The following ATP4A variants were observed in gnomAD, a reference collection of about 807,000 sequenced individuals.
ATP4A encodes the protein potassium-transporting ATPase alpha chain 1.
ATP4A carries 73 observed loss-of-function variants against 112.1 expected under a neutral mutation model. The observed-to-expected ratio is 0.65, with a 90% CI of 0.54 to 0.79. The LOEUF (loss-of-function observed/expected upper bound fraction) is 0.79. Ranked by LOEUF, ATP4A falls within the 30% of genes least tolerant of loss-of-function variation. ATP4A has a pLI of 0.00. For synonymous variants in ATP4A, 588 were observed against 588.9 expected (o/e 1.00, Z 0.02); for missense variants, 1,081 against 1,425.9 (o/e 0.76, Z 3.90).
At position 35,557,648 on chromosome 19, in the gene ATP4A, G is replaced by A. The variant is rs1403996877; in HGVS notation, c.1693+7C>T. The stretch of plus-strand genomic sequence containing the variant: ...CTGGAGTCTCCTCCCCTGCCCAGGG[G>A]TCTCACCGAGCACGCGTTCGCCCAG... On this transcript the variant is annotated splice_region_variant and intron_variant, in intron 11 of 21. Coordinates refer to ENST00000262623, the MANE Select transcript of ATP4A (RefSeq NM_000704.3). The surrounding 1 kb of genome is among the most constrained non-coding windows in gnomAD (Gnocchi z 4.4). 1.9e-6 allele frequency: 3 copies of A among 1,602,664 alleles called. No individual in the cohort carries two copies. The highest frequency in any genetic ancestry group is 2.2e-4 in the Middle Eastern group (1 of 4,618).
At position 35,560,663 on chromosome 19, in the gene ATP4A, G is replaced by GGGGGGGCC; in HGVS notation, c.535-49_535-48insGGCCCCCC. 1 of 883,962 alleles carries GGGGGGGCC rather than the reference G, an allele frequency of 1.1e-6. No homozygotes were observed. The highest frequency in any genetic ancestry group is 1.8e-6 in the Non-Finnish European group (1 of 561,724). 54.8% of individuals were successfully genotyped at this position (883,962 alleles called of 1,614,324 possible). The stretch of plus-strand genomic sequence containing the variant: ...TTGAGGTGGACGGGGGTGGGGGTGG[G>GGGGGGGCC]AGCTGCTGCATGTGGGGAGGTAAAG... On this transcript the variant is annotated intron_variant, in intron 5 of 21. Coordinates refer to ENST00000262623, the MANE Select transcript of ATP4A (RefSeq NM_000704.3). The surrounding 1 kb of genome is among the most constrained non-coding windows in gnomAD (Gnocchi z 5.1).
In ATP4A at chr19:35,560,045, C is replaced by T. The variant is rs554815273; in HGVS notation, c.816G>A (p.Thr272=). 22 of 1,614,050 alleles carry T rather than the reference C, an allele frequency of 1.4e-5. No individual in the cohort carries two copies. Among genetic ancestry groups the T allele is most frequent in the East Asian group, 1.3e-4 (6 of 44,884 alleles). ...EGTVQGLVVN[T]GDRTIIGRIA... is the part of the protein sequence containing the mutation. Reference sequence around the variant, plus strand: ...TGCGCCCAATGATGGTGCGGTCGCCCGTGTTCACCACCAGGCCCTGCACGG... The same window carrying T: ...TGCGCCCAATGATGGTGCGGTCGCCTGTGTTCACCACCAGGCCCTGCACGG... The change falls in exon 7 of 22, where the codon ACG becomes ACA. Residue 272 remains threonine, a synonymous_variant. Transcript: ENST00000262623. This position sits in a 1 kb window ranked among gnomAD's most constrained non-coding sequence, Gnocchi z 5.1.
rs766625990 is a variant in ATP4A, at chr19:35,555,594, G to A, written c.2007-4C>T. 26 of 1,575,450 alleles carry A rather than the reference G, an allele frequency of 1.7e-5. No individual in the cohort carries two copies. Among genetic ancestry groups the A allele is most frequent in the Non-Finnish European group, 2.2e-5 (25 of 1,154,446 alleles). On this transcript the variant is annotated splice_polypyrimidine_tract_variant and splice_region_variant and intron_variant, in intron 13 of 21. Transcript: ENST00000262623. The surrounding 1 kb of genome is among the most constrained non-coding windows in gnomAD (Gnocchi z 6.6). ...GATCACACAGGCACGGGCATCCCTG[G>A]GGAGGAGATGGGAGGACCTCGCTGG...
At position 35,555,895 on chromosome 19, in the gene ATP4A, C is replaced by G; in HGVS notation, c.1870-83G>C. 6.6e-7 allele frequency: 1 copy of G among 1,515,238 alleles called. No homozygotes were observed. Among genetic ancestry groups the G allele is most frequent in the Non-Finnish European group, 8.9e-7 (1 of 1,127,710 alleles). 93.9% of individuals were successfully genotyped at this position (1,515,238 alleles called of 1,614,324 possible). A position where few individuals can be genotyped will look rare whatever the true frequency, so the allele number is the denominator to read the frequency against. On this transcript the variant is annotated intron_variant, in intron 12 of 21. Coordinates refer to ENST00000262623, the MANE Select transcript of ATP4A (RefSeq NM_000704.3). This position sits in a 1 kb window ranked among gnomAD's most constrained non-coding sequence, Gnocchi z 6.6. ...TCCCTGGGAGACATCTGCTGATACA[C>G]GTGTTCATTTACTTGACCAAGCGTG... is the stretch of plus-strand genomic sequence containing the variant.
rs766955149 is a variant in ATP4A at position 35,550,637 on chromosome 19, C to T, written c.3086G>A (p.Trp1029Ter). The T allele has an allele frequency of 1.9e-6, 3 of 1,613,814 alleles. No homozygotes were observed. Among genetic ancestry groups the T allele is most frequent in the Non-Finnish European group, 2.5e-6 (3 of 1,179,826 alleles). The change falls in exon 22 of 22, where the codon TGG (tryptophan) becomes TAG (stop). Residue 1029 changes from tryptophan to a stop codon, truncating the protein, a stop_gained. Transcript: ENST00000262623. LOFTEE classifies it high-confidence loss of function. This position sits in a 1 kb window ranked among gnomAD's most constrained non-coding sequence, Gnocchi z 4.1. Reference sequence around the variant, plus strand: ...CCTCTAATAGTAGAGTTCCTGGTCCCACCAGCCTGGGAGAGAGAGGGAGAA... The same window carrying T: ...CCTCTAATAGTAGAGTTCCTGGTCCTACCAGCCTGGGAGAGAGAGGGAGAA... ...LGVRCCPGSW[W>*]DQELYY
In ATP4A at chr19:35,560,430, G is replaced by A. The variant is rs776127328; in HGVS notation, c.720C>T (p.Pro240=). The A allele has an allele frequency of 2.4e-5, 39 of 1,613,842 alleles. No homozygotes were observed. The highest frequency in any genetic ancestry group is 2.2e-4 in the Admixed American group (13 of 60,000). Residue 240 remains proline (P), a synonymous_variant, in exon 6 of 22, where the codon CCC becomes CCT. Coordinates refer to ENST00000262623, the MANE Select transcript of ATP4A (RefSeq NM_000704.3). This position sits in a 1 kb window ranked among gnomAD's most constrained non-coding sequence, Gnocchi z 5.1. The stretch of plus-strand genomic sequence containing the variant: ...CCAGAGGGCTCTCGTGCGTGCACTC[G>A]GGTGAGCGGGTCTGTGGCTCAGACT... ...TGESEPQTRS[P]ECTHESPLET... is the part of the protein sequence containing the mutation.
At position 35,557,968 on chromosome 19, in the gene ATP4A, C is replaced by A. The variant is rs111778482; in HGVS notation, c.1501-121G>T. ...GAGAGCTCGGTGCGGGCTCTGAGAG[C>A]TGCGGGGAAGGGTGAAGGTGGAAGA... On this transcript the variant is annotated intron_variant, in intron 10 of 21. Coordinates refer to ENST00000262623, the MANE Select transcript of ATP4A (RefSeq NM_000704.3). This position sits in a 1 kb window ranked among gnomAD's most constrained non-coding sequence, Gnocchi z 4.4. 9.1e-4 allele frequency: 762 copies of A among 834,010 alleles called. 1 individual carries two copies. The highest frequency in any genetic ancestry group is 1.2e-3 in the Non-Finnish European group (667 of 558,360). 51.7% of individuals were successfully genotyped at this position (834,010 alleles called of 1,614,324 possible). A position where few individuals can be genotyped will look rare whatever the true frequency, so the allele number is the denominator to read the frequency against.
In ATP4A at chr19:35,560,648, CGGGGGT is replaced by C; in HGVS notation, c.535-39_535-34del. The C allele has an allele frequency of 1.4e-4, 68 of 472,020 alleles. No homozygotes were observed. Among genetic ancestry groups the C allele is most frequent in the Non-Finnish European group, 2.0e-4 (61 of 305,380 alleles). 29.2% of individuals were successfully genotyped at this position (472,020 alleles called of 1,614,324 possible). On this transcript the variant is annotated intron_variant, in intron 5 of 21. Transcript: ENST00000262623. This position sits in a 1 kb window ranked among gnomAD's most constrained non-coding sequence, Gnocchi z 5.1. ...GCAGGGGCACCAAAGTTGAGGTGGA[CGGGGGT>C]GGGGGTGGGAGCTGCTGCATGTGGG...
rs532179695 is a variant in ATP4A at position 35,553,739 on chromosome 19, C to T, written c.2572G>A (p.Glu858Lys). The change falls in exon 17 of 22, where the codon GAG becomes AAG. Residue 858 changes from glutamate to lysine, a missense_variant. Glu to Lys is a moderately conservative substitution (Grantham distance 56, BLOSUM62 1). This residue lies in a region of ATP4A where 219 missense variants were observed against 320.9 expected (regional missense o/e 0.68). Coordinates refer to ENST00000262623, the MANE Select transcript of ATP4A (RefSeq NM_000704.3). ...RNPKRDRLVNEPLAAYSYFQI... is the reference protein window; with the variant it reads ...RNPKRDRLVNKPLAAYSYFQI... The stretch of plus-strand genomic sequence containing the variant: ...AAGTAGGAGTAGGCAGCCAGGGGCT[C>T]GTTGACCAATCTGTCACGCTTTGGG... 5.0e-6 allele frequency: 8 copies of T among 1,613,574 alleles called. No homozygotes were observed. The East Asian group carries it at 8.9e-5, about 18-fold the overall frequency.
At position 35,551,567 on chromosome 19, in the gene ATP4A, C is replaced by T. The variant is rs929702152; in HGVS notation, c.2765G>A (p.Arg922His). ...GTAGCAGGTGTACTGCTGGTACAGG[C>T]GCTGCCCGAATGTCTGCAGGCCAGG... is the stretch of plus-strand genomic sequence containing the variant. ...SYGQEWTFGQ[R>H]LYQQYTCYTV... is the part of the protein sequence containing the mutation. Residue 922 changes from arginine to histidine, a missense_variant, in exon 19 of 22, where the codon CGC becomes CAC. Arg to His is a conservative substitution (Grantham distance 29). Transcript: ENST00000262623. This position sits in a 1 kb window ranked among gnomAD's most constrained non-coding sequence, Gnocchi z 5.2. The T allele has an allele frequency of 1.2e-6, 2 of 1,612,844 alleles. No homozygotes were observed. Among genetic ancestry groups the T allele is most frequent in the Non-Finnish European group, 1.7e-6 (2 of 1,179,480 alleles).
rs893915560 is a variant in ATP4A at position 35,552,568 on chromosome 19, A to G, written c.2751+469T>C. ...AGCTTGTGAGAAGCAGTACCAGACC[A>G]TAAGTCCAGGCAGTCTGGCTTCAGT... On this transcript the variant is annotated intron_variant, in intron 18 of 21. Coordinates refer to ENST00000262623, the MANE Select transcript of ATP4A (RefSeq NM_000704.3). Among the ~76,000 whole-genome samples the G allele has an allele frequency of 3.3e-5, 5 of 152,320 alleles. No individual in the cohort carries two copies. The South Asian group carries it at 6.2e-4, about 19-fold the overall frequency.
Position 35,559,686 on chromosome 19 carries a change from T to G in ATP4A, c.1056+119A>C. Reference sequence around the variant, plus strand: ...AGTGGATGATGGGAAGGCAGGAGAATGGATGGGAGCTAAGTGGACAGATAG... The same window carrying G: ...AGTGGATGATGGGAAGGCAGGAGAAGGGATGGGAGCTAAGTGGACAGATAG... On this transcript the variant is annotated intron_variant, in intron 7 of 21. Transcript: ENST00000262623. The surrounding 1 kb of genome is among the most constrained non-coding windows in gnomAD (Gnocchi z 4.1). The G allele has an allele frequency of 7.0e-7, 1 of 1,430,368 alleles. No individual in the cohort carries two copies. Among genetic ancestry groups the G allele is most frequent in the South Asian group, 1.4e-5 (1 of 69,790 alleles). The allele number at this position is 1,430,368 out of a possible 1,614,324, so 88.6% of individuals were successfully genotyped here.
chr19:35,558,585 C>A lies in ATP4A; in HGVS notation c.1357G>T (p.Val453Leu). The change falls in exon 9 of 22, where the codon GTG (valine) becomes TTG (leucine). Residue 453 changes from valine (V) to leucine (L), a missense_variant. This residue lies in a region of ATP4A where 850 missense variants were observed against 1,068.2 expected (regional missense o/e 0.80). Coordinates refer to ENST00000262623, the MANE Select transcript of ATP4A (RefSeq NM_000704.3). This position sits in a 1 kb window ranked among gnomAD's most constrained non-coding sequence, Gnocchi z 5.1. The part of the protein sequence containing the change: ...AFKSGQDAVP[V>L]PKRIVIGDAS... ...GGCCCCCTGGCTCTCACCTTGGGCA[C>A]AGGCACTGCATCCTGGCCGGACTTG... The A allele has an allele frequency of 6.2e-7, 1 of 1,603,480 alleles. No homozygotes were observed. The highest frequency in any genetic ancestry group is 8.5e-7 in the Non-Finnish European group (1 of 1,175,968).
In ATP4A at chr19:35,558,891, G is replaced by GT. The variant is rs1418881527; in HGVS notation, c.1255+101_1255+102insA. The GT allele has an allele frequency of 9.7e-6, 14 of 1,450,180 alleles. No individual in the cohort carries two copies. The highest frequency in any genetic ancestry group is 9.5e-7 in the Non-Finnish European group (1 of 1,055,162). 89.8% of individuals were successfully genotyped at this position (1,450,180 alleles called of 1,614,324 possible). ...CTCCTTTGAGACCTGGAGCCGAGCC[G>GT]CCCCGCCTTCGTACAAAGCCCTCCC... On this transcript the variant is annotated intron_variant, in intron 8 of 21. Coordinates refer to ENST00000262623, the MANE Select transcript of ATP4A (RefSeq NM_000704.3). This position sits in a 1 kb window ranked among gnomAD's most constrained non-coding sequence, Gnocchi z 5.1.
At chr19:35,554,863 A>C in intron 16 of ATP4A, 59 bp downstream of exon 16, 2 of 1,606,474 alleles carry the variant, frequency 1.2e-6, no homozygotes, top group Non-Finnish European at 1.7e-6. Flanking sequence ...CCTCCTGTCC[A>C]TCTGCAAGCA....
In ATP4A at chr19:35,558,904, A is replaced by G. The variant is rs1321813846; in HGVS notation, c.1255+89T>C. The G allele has an allele frequency of 6.6e-7, 1 of 1,522,842 alleles. No individual in the cohort carries two copies. The highest frequency in any genetic ancestry group is 2.3e-5 in the East Asian group (1 of 44,224). 94.3% of individuals were successfully genotyped at this position (1,522,842 alleles called of 1,614,324 possible). On this transcript the variant is annotated intron_variant, in intron 8 of 21. Transcript: ENST00000262623. The surrounding 1 kb of genome is among the most constrained non-coding windows in gnomAD (Gnocchi z 5.1). ...TGGAGCCGAGCCGCCCCGCCTTCGT[A>G]CAAAGCCCTCCCTACCTCCCTATCC...
At chr19:35,554,863 A>G (rs1305231244) in intron 16 of ATP4A, 59 bp downstream of exon 16, 1 of 1,606,474 alleles carries the variant, frequency 6.2e-7, no homozygotes, top group Non-Finnish European at 8.5e-7. Flanking sequence ...CCTCCTGTCC[A>G]TCTGCAAGCA....
Position 35,560,107 on chromosome 19 carries a change from G to A in ATP4A, c.788-34C>T. On this transcript the variant is annotated intron_variant, in intron 6 of 21. Transcript: ENST00000262623. The surrounding 1 kb of genome is among the most constrained non-coding windows in gnomAD (Gnocchi z 5.1). ...GGGCCAAGGCGCGACTCAGGGATAGGGGGCGGCAGTGGGGTGTGCACTGCC... is the reference window on the plus strand; with the variant it reads ...GGGCCAAGGCGCGACTCAGGGATAGAGGGCGGCAGTGGGGTGTGCACTGCC... The A allele has an allele frequency of 6.2e-7, 1 of 1,610,384 alleles. No individual in the cohort carries two copies. Among genetic ancestry groups the A allele is most frequent in the Non-Finnish European group, 8.5e-7 (1 of 1,178,264 alleles).
Position 35,557,699 on chromosome 19 carries a change from TG to T in ATP4A, c.1648del (p.Gln550ArgfsTer22). 6.2e-7 allele frequency: 1 copy of T among 1,609,232 alleles called. No homozygotes were observed. Among genetic ancestry groups the T allele is most frequent in the Non-Finnish European group, 8.5e-7 (1 of 1,178,390 alleles). ...PLDEQWREAF[Q>X]TAYLSLGGLG... ...GCCTCCCAGGCTGAGGTAGGCGGTC[TG>T]GAAGGCCTCGCGCCACTGCTCGTCC... On this transcript the variant is annotated frameshift_variant, in exon 11 of 22. Transcript: ENST00000262623. LOFTEE classifies it high-confidence loss of function. The surrounding 1 kb of genome is among the most constrained non-coding windows in gnomAD (Gnocchi z 4.4).
Sources: gnomAD v4.1 joint callset for allele counts (sites outside exome capture counted in the v4.1 genomes callset) on GRCh38, gnomAD v4.1.1 for gene constraint, gnomAD v4.1.1 regional missense constraint, Gnocchi (gnomAD v3.1) non-coding constraint, MANE v1.5 for transcripts, NCBI Gene and HGNC (gene_info 2026-07-23, HGNC 2026-07-21) for gene names.